The following FCHSD2 variants were observed in gnomAD, a reference collection of about 807,000 sequenced individuals.
FCHSD2 encodes FCH and double SH3 domains 2.
In FCHSD2, 38 loss-of-function variants were observed where a neutral mutation model predicts 108.1. The ratio of observed to expected loss-of-function variants is 0.35; its 90% CI spans 0.27 to 0.46. The LOEUF (loss-of-function observed/expected upper bound fraction) is 0.46, where lower values mean the gene tolerates loss of function less well. Among genes scored for constraint, FCHSD2 ranks in the 20% least tolerant of loss-of-function variants. The pLI is 1.00. For missense variants in FCHSD2, 751 were observed against 897.8 expected, an observed-to-expected ratio of 0.84 and a Z score of 2.09; for synonymous variants, 279 against 314.7, an observed-to-expected ratio of 0.89 and a Z score of 1.20.
At chr11:72,867,394 G>C (rs1027176286) in intron 13 of FCHSD2, among the ~76,000 whole-genome samples, 2 of 152,142 alleles carry the variant, frequency 1.3e-5, no homozygotes, top group Non-Finnish European at 2.9e-5. Context: ...CTCTATGTGA[G>C]GAGAATATGA....
intron 2 of FCHSD2, among the ~76,000 whole-genome samples, chr11:73,131,520 C>T (rs1435557652): frequency 6.6e-6 from 1 of 151,674 alleles, no homozygotes; most frequent in Non-Finnish European, 1.5e-5. Context: ...CAGAGTGAGA[C>T]TTCGTCTCAA....
chr11:73,064,558 A>T (rs1859244846), intron 3 of FCHSD2, among the ~76,000 whole-genome samples: 1 of 152,146 alleles, frequency 6.6e-6, no homozygotes, highest in South Asian at 2.1e-4. Flanking sequence ...AATAAAGAAG[A>T]AAAGAGAGAA....
chr11:73,140,348 T>C (rs888642922), intron 1 of FCHSD2, among the ~76,000 whole-genome samples: 1 of 152,180 alleles, frequency 6.6e-6, no homozygotes, highest in Non-Finnish European at 1.5e-5. Flanking sequence ...TACACGACTA[T>C]AAATATTACA....
chr11:72,868,794 C>T (rs1415592258), intron 12 of FCHSD2, among the ~76,000 whole-genome samples: 1 of 151,892 alleles, frequency 6.6e-6, no homozygotes, highest in Non-Finnish European at 1.5e-5. Flanking sequence ...TCCTATCAGT[C>T]TTACATGGCA....
chr11:73,006,515 T>C (rs1857744391), intron 4 of FCHSD2, among the ~76,000 whole-genome samples: 1 of 152,182 alleles, frequency 6.6e-6, no homozygotes, highest in South Asian at 2.1e-4. Context: ...ATTTAATTAC[T>C]GCCAGTCTCC....
chr11:73,123,700 C>T (rs1860787696), intron 2 of FCHSD2, among the ~76,000 whole-genome samples: 2 of 152,210 alleles, frequency 1.3e-5, no homozygotes, highest in Non-Finnish European at 2.9e-5. Flanking sequence ...TCCCCCTCCA[C>T]CACTTCAAAA....
intron 8 of FCHSD2, among the ~76,000 whole-genome samples, chr11:72,966,310 C>A (rs2135379129): frequency 6.6e-6 from 1 of 152,160 alleles, no homozygotes; most frequent in South Asian, 2.1e-4. Flanking sequence ...CAGGTGCCCG[C>A]CACCACACTC....
intron 2 of FCHSD2, among the ~76,000 whole-genome samples, chr11:73,106,443 G>C (rs1176737714): frequency 2.0e-5 from 3 of 148,872 alleles, no homozygotes; most frequent in African/African-American, 7.4e-5. Context: ...AAAGAAACAA[G>C]AATTTCCTCC....
chr11:72,892,696 C>T (rs1163258148), intron 10 of FCHSD2, among the ~76,000 whole-genome samples: 17 of 151,332 alleles, frequency 1.1e-4, no homozygotes, highest in Non-Finnish European at 1.9e-4. Context: ...CCTCCACCTC[C>T]TGGGTTCAAG....
chr11:73,082,480 T>G (rs1416245071), intron 3 of FCHSD2, among the ~76,000 whole-genome samples: 1 of 151,946 alleles, frequency 6.6e-6, no homozygotes, highest in Non-Finnish European at 1.5e-5. Context: ...ATTAGTTCTG[T>G]CTAGCTTTCA....
At chr11:72,920,354 T>A (rs1338217546) in intron 9 of FCHSD2, among the ~76,000 whole-genome samples, 1 of 152,214 alleles carries the variant, frequency 6.6e-6, no homozygotes, top group African/African-American at 2.4e-5. Context: ...AAATTGGACA[T>A]TTTAATGAAA....
chr11:73,140,712 T>C (rs2135582154), intron 1 of FCHSD2, among the ~76,000 whole-genome samples: 1 of 152,342 alleles, frequency 6.6e-6, no homozygotes, highest in Middle Eastern at 3.4e-3. Context: ...AAAGTGACCT[T>C]CCAGCATATG....
intron 9 of FCHSD2, among the ~76,000 whole-genome samples, chr11:72,915,149 C>T (rs913928253): frequency 6.6e-6 from 1 of 151,786 alleles, no homozygotes; most frequent in African/African-American, 2.4e-5. Context: ...GAAAAAAACT[C>T]AACATCACTG....
At chr11:73,098,966 C>T (rs1052895752) in intron 2 of FCHSD2, among the ~76,000 whole-genome samples, 3 of 152,178 alleles carry the variant, frequency 2.0e-5, no homozygotes, top group African/African-American at 7.2e-5. Context: ...ATAATCTCAA[C>T]ACTTTGGGAG....
At chr11:72,927,405 G>A (rs1227517082) in intron 8 of FCHSD2, among the ~76,000 whole-genome samples, 10 of 152,206 alleles carry the variant, frequency 6.6e-5, no homozygotes, top group Non-Finnish European at 1.0e-4. Flanking sequence ...TGATGATGGT[G>A]TCAGTGTAGG....
At chr11:73,096,914 T>C (rs973756669) in intron 2 of FCHSD2, among the ~76,000 whole-genome samples, 2 of 150,310 alleles carry the variant, frequency 1.3e-5, no homozygotes, top group African/African-American at 4.9e-5. Context: ...TGTGAAATGC[T>C]TTTTCTGCCT....
chr11:72,958,075 G>A (rs1464214825), intron 8 of FCHSD2, among the ~76,000 whole-genome samples: 1 of 152,100 alleles, frequency 6.6e-6, no homozygotes, highest in Non-Finnish European at 1.5e-5. Context: ...CTACTTTAAT[G>A]TACTCTGTTG....
chr11:73,141,162 G>A, intron 1 of FCHSD2: 1 of 152,514 alleles, frequency 6.6e-6, no homozygotes, highest in Non-Finnish European at 1.5e-5. Flanking sequence ...CAAGCCGGGT[G>A]CATCCGTCAC....
intron 12 of FCHSD2, among the ~76,000 whole-genome samples, chr11:72,881,481 G>T (rs1855085530): frequency 6.6e-6 from 1 of 152,166 alleles, no homozygotes; most frequent in South Asian, 2.1e-4. Flanking sequence ...CAGCATGGAG[G>T]TTTCTCAAAA....
Sources: gnomAD v4.1 joint callset for allele counts (sites outside exome capture counted in the v4.1 genomes callset) on GRCh38, gnomAD v4.1.1 for gene constraint, MANE v1.5 for transcripts, NCBI Gene and HGNC (gene_info 2026-07-23, HGNC 2026-07-21) for gene names.